TRPM3: variants seen among roughly 807,000 people sequenced by gnomAD.
TRPM3 encodes the protein long transient receptor potential channel 3.
In TRPM3, 77 loss-of-function variants were observed where a neutral mutation model predicts 181.2. The observed-to-expected ratio is 0.42, with a 90% CI of 0.35 to 0.51. The LOEUF is 0.51. Among genes scored for constraint, TRPM3 ranks in the 20% least tolerant of loss-of-function variants. The pLI is 0.01. For synonymous variants in TRPM3, 745 were observed against 796.4 expected, an observed-to-expected ratio of 0.94 and a Z score of 1.09; for missense variants, 1,759 against 2,196.7, an observed-to-expected ratio of 0.80 and a Z score of 3.98.
At chr9:71,039,650 A>C (rs2058606316) in intron 1 of TRPM3, among the ~76,000 whole-genome samples, 1 of 152,208 alleles carries the variant, frequency 6.6e-6, no homozygotes, top group Non-Finnish European at 1.5e-5. Flanking sequence ...ATAGACATAA[A>C]CAGGTCCCAA....
intron 1 of TRPM3, among the ~76,000 whole-genome samples, chr9:71,253,266 G>C (rs2082462525): frequency 6.6e-6 from 1 of 152,130 alleles, no homozygotes; most frequent in Non-Finnish European, 1.5e-5. Context: ...AAGTTCTACT[G>C]ACTCAAAGAC....
chr9:70,886,996 C>T (rs903849935), intron 1 of TRPM3, among the ~76,000 whole-genome samples: 1 of 152,172 alleles, frequency 6.6e-6, no homozygotes, highest in Admixed American at 6.5e-5. Flanking sequence ...AATATAACTG[C>T]AATTGACAGG....
At chr9:70,921,665 A>G (rs7032714) in intron 1 of TRPM3, among the ~76,000 whole-genome samples, 7 of 152,132 alleles carry the variant, frequency 4.6e-5, no homozygotes, top group South Asian at 2.1e-4. Flanking sequence ...GAGTGACTAC[A>G]CTTCTAACAC....
At chr9:71,423,734 T>A (rs1480591928) in intron 1 of TRPM3, among the ~76,000 whole-genome samples, 1 of 152,044 alleles carries the variant, frequency 6.6e-6, no homozygotes, top group Non-Finnish European at 1.5e-5. Flanking sequence ...CTTTCTGCCC[T>A]CCTATTTGCC....
chr9:71,083,956 T>C (rs2064846048), intron 1 of TRPM3, among the ~76,000 whole-genome samples: 2 of 152,064 alleles, frequency 1.3e-5, no homozygotes, highest in Admixed American at 1.3e-4. Flanking sequence ...TTTCCTGGCA[T>C]AGGGCATCCG....
chr9:70,863,039 T>G lies in TRPM3; in HGVS notation c.331A>C (p.Asn111His). 6.2e-7 allele frequency: 1 copy of G among 1,613,596 alleles called. No individual in the cohort carries two copies. Among genetic ancestry groups the G allele is most frequent in the African/African-American group, 1.3e-5 (1 of 74,966 alleles). ...PSISVLQNEK[N>H]ESRLSRNDIQ... is the part of the protein sequence containing the mutation. The stretch of plus-strand genomic sequence containing the variant: ...TCATTTCGGGAGAGGCGACTTTCAT[T>G]TTTCTCATTCTGAAGCACGGAGATA... Residue 111 changes from asparagine (N) to histidine (H), a missense_variant, in exon 3 of 26, where the codon AAT (asparagine) becomes CAT (histidine). This residue lies in a region of TRPM3 where 737 missense variants were observed against 957.4 expected (regional missense o/e 0.77). Coordinates refer to ENST00000677713, the MANE Select transcript of TRPM3 (RefSeq NM_001366145.2).
At chr9:70,651,096 G>A (rs2059545648) in intron 9 of TRPM3, among the ~76,000 whole-genome samples, 1 of 152,220 alleles carries the variant, frequency 6.6e-6, no homozygotes, top group Middle Eastern at 3.4e-3. Context: ...TATAGAAAAG[G>A]TGTGTACAAA....
intron 1 of TRPM3, among the ~76,000 whole-genome samples, chr9:71,187,387 C>T (rs1450006071): frequency 6.6e-6 from 1 of 151,930 alleles, no homozygotes; most frequent in Non-Finnish European, 1.5e-5. Flanking sequence ...CTTCTTATTC[C>T]TCCACATCTT....
At chr9:71,339,722 T>C (rs1249515405) in intron 1 of TRPM3, among the ~76,000 whole-genome samples, 3 of 152,088 alleles carry the variant, frequency 2.0e-5, no homozygotes, top group African/African-American at 7.2e-5. Context: ...AGATCTGTGA[T>C]TTCTGGAGGC....
At chr9:71,201,605 C>T (rs1203956618) in intron 1 of TRPM3, among the ~76,000 whole-genome samples, 1 of 152,084 alleles carries the variant, frequency 6.6e-6, no homozygotes, top group Non-Finnish European at 1.5e-5. Flanking sequence ...ACTTCCCTTC[C>T]CGCTTCATTT....
intron 1 of TRPM3, among the ~76,000 whole-genome samples, chr9:71,359,540 C>A (rs748068803): frequency 3.3e-4 from 50 of 152,230 alleles, no homozygotes; most frequent in Non-Finnish European, 6.2e-4. Flanking sequence ...AAAACATAAA[C>A]CTACTGCATG....
chr9:70,987,142 A>G (rs2097429690), intron 1 of TRPM3, among the ~76,000 whole-genome samples: 1 of 152,136 alleles, frequency 6.6e-6, no homozygotes, highest in Non-Finnish European at 1.5e-5. Flanking sequence ...ACTCTATCAT[A>G]TGTGCATTAA....
At chr9:70,577,662 C>T (rs1402059831) in intron 22 of TRPM3, among the ~76,000 whole-genome samples, 2 of 152,172 alleles carry the variant, frequency 1.3e-5, no homozygotes, top group Non-Finnish European at 2.9e-5. Context: ...GTACGACTGC[C>T]ATACATTTTG....
intron 7 of TRPM3, among the ~76,000 whole-genome samples, chr9:70,772,346 C>A (rs999129282): frequency 2.6e-5 from 4 of 150,954 alleles, no homozygotes; most frequent in African/African-American, 9.7e-5. Flanking sequence ...GAAGCAGGAC[C>A]TTGCTCTGTT....
intron 1 of TRPM3, among the ~76,000 whole-genome samples, chr9:71,113,482 G>C (rs1015990680): frequency 6.6e-6 from 1 of 152,142 alleles, no homozygotes; most frequent in Non-Finnish European, 1.5e-5. Context: ...GCAGCAGTTA[G>C]ACTTAATGTG....
intron 1 of TRPM3, among the ~76,000 whole-genome samples, chr9:71,025,690 A>G (rs1213630727): frequency 1.3e-5 from 2 of 152,148 alleles, no homozygotes; most frequent in African/African-American, 2.4e-5. Flanking sequence ...TCCAACAGAG[A>G]AAATGAGTTT....
At chr9:70,909,262 TG>T (rs2096509570) in intron 1 of TRPM3, among the ~76,000 whole-genome samples, 1 of 152,214 alleles carries the variant, frequency 6.6e-6, no homozygotes, top group African/African-American at 2.4e-5. Context: ...ATTTGTAAGC[TG>T]GTTCTATCTA....
intron 1 of TRPM3, among the ~76,000 whole-genome samples, chr9:70,993,823 A>C (rs557759433): frequency 2.6e-4 from 34 of 132,088 alleles, no homozygotes; most frequent in East Asian, 9.1e-4. Flanking sequence ...AGAAAGAAAG[A>C]AAGCACTCCA....
intron 20 of TRPM3, among the ~76,000 whole-genome samples, chr9:70,602,113 T>TTA (rs1471009968): frequency 2.7e-4 from 40 of 150,086 alleles, no homozygotes; most frequent in African/African-American, 9.1e-4. Context: ...TTCCTTTTTT[T>TTA]TTTTTTTTTT....
Sources: allele counts gnomAD v4.1 joint callset (sites outside exome capture counted in the v4.1 genomes callset), GRCh38; gene constraint gnomAD v4.1.1; regional missense constraint gnomAD v4.1.1; transcripts MANE v1.5; gene names NCBI Gene and HGNC (gene_info 2026-07-23, HGNC 2026-07-21).